ARHGEF10: variants seen among roughly 807,000 people sequenced by gnomAD.
ARHGEF10 encodes the protein Rho guanine nucleotide exchange factor 10, also known as Rho guanine nucleotide exchange factor (GEF) 10.
In ARHGEF10, 140 loss-of-function variants were observed where a neutral mutation model predicts 147.4. That is an observed-to-expected ratio of 0.95 (90% confidence interval 0.83 to 1.09). ARHGEF10 has a LOEUF of 1.09. ARHGEF10 is among the 50% of genes least tolerant of loss of function. The pLI is 0.00. For missense variants in ARHGEF10, 2,222 were observed against 1,752.7 expected, an observed-to-expected ratio of 1.27 and a Z score of -4.78; for synonymous variants, 902 against 695.8, an observed-to-expected ratio of 1.30 and a Z score of -4.67.
intron 1 of ARHGEF10, among the ~76,000 whole-genome samples, chr8:1,824,363 C>T (rs1230829802): frequency 6.6e-6 from 1 of 151,974 alleles, no homozygotes; most frequent in African/African-American, 2.4e-5. Flanking sequence ...GGACTGGCAG[C>T]AGGGACCCCT....
At chr8:1,888,681 AGG>A (rs1809033001) in intron 11 of ARHGEF10, among the ~76,000 whole-genome samples, 1 of 100,526 alleles carries the variant, frequency 9.9e-6, no homozygotes, top group Non-Finnish European at 1.9e-5. Context: ...AGGGTTTGTG[AGG>A]AGACACTGAA....
At chr8:1,846,595 T>C (rs983691011) in intron 2 of ARHGEF10, among the ~76,000 whole-genome samples, 1 of 152,208 alleles carries the variant, frequency 6.6e-6, no homozygotes, top group African/African-American at 2.4e-5. Flanking sequence ...TTTTTTTTTT[T>C]GAGACGGAGT....
At chr8:1,896,311 T>A in intron 13 of ARHGEF10, 22 bp from the exon 14 acceptor site, 1 of 1,546,634 alleles carries the variant, frequency 6.5e-7, no homozygotes, top group South Asian at 1.1e-5. Context: ...GATTTCTCTC[T>A]GAATTTCCTC....
In ARHGEF10 at chr8:1,891,811, G is replaced by T. The variant is rs571658460; in HGVS notation, c.1183-1758G>T. ...ACGTGTCAGATTGAGCTGCCAGAAAGACTGACATCACGTGCAGTAGCCATG... is the reference window on the plus strand; with the variant it reads ...ACGTGTCAGATTGAGCTGCCAGAAATACTGACATCACGTGCAGTAGCCATG... On this transcript the variant is annotated intron_variant, in intron 11 of 28. Transcript: ENST00000349830. 2.0e-5 allele frequency among the ~76,000 whole-genome samples: 3 copies of T among 152,164 alleles called. No homozygotes were observed. The South Asian group carries it at 6.2e-4, about 32-fold the overall frequency.
At chr8:1,860,230 C>T (rs770573903) in intron 4 of ARHGEF10, 46 bp downstream of exon 4, 2 of 1,603,122 alleles carry the variant, frequency 1.2e-6, no homozygotes, top group South Asian at 1.1e-5. Flanking sequence ...CCTGTGGTTC[C>T]CTCCTCTCCA....
intron 2 of ARHGEF10, among the ~76,000 whole-genome samples, chr8:1,855,558 CTT>C (rs545496176): frequency 1.1e-4 from 16 of 144,794 alleles, no homozygotes; most frequent in Admixed American, 1.4e-4. Flanking sequence ...ATTTTTGTAC[CTT>C]TTTTTTTTTT....
chr8:1,949,439 T>A (rs1814851212), intron 27 of ARHGEF10, among the ~76,000 whole-genome samples: 1 of 152,082 alleles, frequency 6.6e-6, no homozygotes, highest in African/African-American at 2.4e-5. Flanking sequence ...AGGAGTAGAG[T>A]TTACAGCGAG....
intron 1 of ARHGEF10, among the ~76,000 whole-genome samples, chr8:1,833,492 C>T (rs1280462156): frequency 6.6e-6 from 1 of 152,060 alleles, no homozygotes; most frequent in Non-Finnish European, 1.5e-5. Flanking sequence ...AGGCTACAGC[C>T]CGGGGCCTTC....
Position 1,925,536 on chromosome 8 carries a change from C to G in ARHGEF10, c.2610+132C>G, listed in dbSNP as rs1420086170. The stretch of plus-strand genomic sequence containing the variant: ...CAGGTTCACCACAGTGACCGCTTCT[C>G]TAGAGGTCATTTATCTGGAAATAAG... On this transcript the variant is annotated intron_variant, in intron 22 of 28. Coordinates refer to ENST00000349830, the MANE Select transcript of ARHGEF10 (RefSeq NM_014629.4). The G allele has an allele frequency of 4.8e-6, 6 of 1,243,158 alleles. No homozygotes were observed. In the Admixed American group the frequency reaches 7.5e-5, roughly 16 times the overall value. 77.0% of individuals were successfully genotyped at this position (1,243,158 alleles called of 1,614,324 possible).
chr8:1,899,251 G>C (rs745741022), intron 15 of ARHGEF10, among the ~76,000 whole-genome samples: 1 of 152,206 alleles, frequency 6.6e-6, no homozygotes, highest in Non-Finnish European at 1.5e-5. Context: ...TGTAGGCTGC[G>C]GGGCTCAGCA....
intron 26 of ARHGEF10, among the ~76,000 whole-genome samples, chr8:1,945,079 A>C (rs1230919636): frequency 6.6e-6 from 1 of 152,260 alleles, no homozygotes; most frequent in African/African-American, 2.4e-5. Flanking sequence ...AACCAGGGTC[A>C]GGCTGCAGGC....
At position 1,885,818 on chromosome 8, in the gene ARHGEF10, T is replaced by C; in HGVS notation, c.1182+111T>C. On this transcript the variant is annotated intron_variant, in intron 11 of 28. Transcript: ENST00000349830. Reference sequence around the variant, plus strand: ...AATATTTGCTGTCTCAAACTCTGCATCCACTCGGGCCCTCCACTGTAGGTT... The same window carrying C: ...AATATTTGCTGTCTCAAACTCTGCACCCACTCGGGCCCTCCACTGTAGGTT... The C allele has an allele frequency of 4.6e-6, 4 of 872,734 alleles. No homozygotes were observed. The South Asian group carries it at 5.6e-5, about 12-fold the overall frequency. 54.1% of individuals were successfully genotyped at this position (872,734 alleles called of 1,614,324 possible).
intron 2 of ARHGEF10, among the ~76,000 whole-genome samples, chr8:1,845,213 C>T (rs1804460360): frequency 6.6e-6 from 1 of 152,220 alleles, no homozygotes; most frequent in Middle Eastern, 3.2e-3. Flanking sequence ...TGAGATGATG[C>T]CCCAGCAGAG....
At chr8:1,931,022 T>C (rs1225121439) in intron 25 of ARHGEF10, among the ~76,000 whole-genome samples, 1 of 152,252 alleles carries the variant, frequency 6.6e-6, no homozygotes, top group Non-Finnish European at 1.5e-5. Context: ...CAGTTCTCCA[T>C]GGACGGTTTT....
In ARHGEF10 at chr8:1,858,092, C is replaced by G; in HGVS notation, c.170C>G (p.Ala57Gly). 6.3e-7 allele frequency: 1 copy of G among 1,589,636 alleles called. No homozygotes were observed. The change falls in exon 3 of 29, where the codon GCC (alanine) becomes GGC (glycine). Residue 57 changes from alanine to glycine, a missense_variant. Ala to Gly is a moderately conservative substitution (Grantham distance 60). Transcript: ENST00000349830. ...PSAPETGGAG[A>G]SEAPAPTGGE... ...GCCCCTGAGACAGGAGGTGCTGGAG[C>G]CAGTGAAGCCCCTGCACCCACAGGT...
chr8:1,841,816 C>T (rs1804057088), intron 1 of ARHGEF10, among the ~76,000 whole-genome samples: 1 of 110,102 alleles, frequency 9.1e-6, no homozygotes, highest in African/African-American at 3.1e-5. Context: ...ACTGGGGCCG[C>T]GGCGGGAACT....
chr8:1,922,838 A>C (rs1488112462), intron 18 of ARHGEF10, 126 bp from the exon 19 acceptor site: 29 of 667,008 alleles, frequency 4.3e-5, no homozygotes, highest in Non-Finnish European at 7.0e-5. Flanking sequence ...TCCACTTTTT[A>C]AAAGTTCTAG....
At chr8:1,840,797 A>G (rs1803971922) in intron 1 of ARHGEF10, among the ~76,000 whole-genome samples, 2 of 152,158 alleles carry the variant, frequency 1.3e-5, no homozygotes, top group African/African-American at 2.4e-5. Context: ...CAAGGATAAC[A>G]TCCTTTGTCA....
chr8:1,833,297 GAC>G lies in ARHGEF10; in HGVS notation c.-48+9186_-48+9187del, dbSNP rs1354691971. 1.9e-4 allele frequency among the ~76,000 whole-genome samples: 27 copies of G among 139,588 alleles called. 1 individual carries two copies. Among genetic ancestry groups the G allele is most frequent in the African/African-American group, 7.4e-4 (27 of 36,286 alleles). The allele number at this position is 139,588 out of a possible 152,430, so 91.6% of individuals were successfully genotyped here. Reference sequence around the variant, plus strand: ...AGACAGAGGTAGAGACAGAAGCAGAGACAGAGGCAGAGACAGAAGCAGAGGGA... The same window carrying G: ...AGACAGAGGTAGAGACAGAAGCAGAGAGAGGCAGAGACAGAAGCAGAGGGA... On this transcript the variant is annotated intron_variant, in intron 1 of 28. Coordinates refer to ENST00000349830, the MANE Select transcript of ARHGEF10 (RefSeq NM_014629.4).
Sources: gnomAD v4.1 joint callset for allele counts (sites outside exome capture counted in the v4.1 genomes callset) on GRCh38, gnomAD v4.1.1 for gene constraint, MANE v1.5 for transcripts, NCBI Gene and HGNC (gene_info 2026-07-23, HGNC 2026-07-21) for gene names.